The following FOXP4 variants were observed in gnomAD, a reference collection of about 807,000 sequenced individuals.
FOXP4 encodes forkhead box protein P4.
FOXP4 carries 25 observed loss-of-function variants against 82.6 expected under a neutral mutation model. The ratio of observed to expected loss-of-function variants is 0.30; its 90% confidence interval spans 0.22 to 0.42. The LOEUF is 0.42. Ranked by LOEUF, FOXP4 falls within the 10% of genes least tolerant of loss-of-function variation. The pLI is 1.00. For missense variants in FOXP4, 785 were observed against 900.9 expected, an observed-to-expected ratio of 0.87 and a Z score of 1.65; for synonymous variants, 415 against 388.2, an observed-to-expected ratio of 1.07 and a Z score of -0.81.
chr6:41,588,541 G>T (rs1766300815), intron 8 of FOXP4, 103 bp from the exon 9 acceptor site: 2 of 1,128,536 alleles, frequency 1.8e-6, no homozygotes, highest in Non-Finnish European at 2.7e-6. Flanking sequence ...CTCTTGGTCT[G>T]TCTGCTTTTC....
chr6:41,565,658 C>G, intron 1 of FOXP4, 87 bp from the exon 2 acceptor site: 1 of 1,243,974 alleles, frequency 8.0e-7, no homozygotes, highest in East Asian at 2.4e-5. Context: ...ACTCCTGTGG[C>G]GATGGTTATG....
At chr6:41,562,766 G>A (rs892465131) in intron 1 of FOXP4, among the ~76,000 whole-genome samples, 1 of 152,228 alleles carries the variant, frequency 6.6e-6, no homozygotes, top group African/African-American at 2.4e-5. Flanking sequence ...GCAGGCAGCT[G>A]CTTTCCACCA....
In FOXP4 at chr6:41,589,765, C is replaced by A. The variant is rs1766381824; in HGVS notation, c.1066-6C>A. Reference sequence around the variant, plus strand: ...CGCTCACCTCCTGCTTTGCCACCCTCCACAGCTCGCCAAGGAGAGCGAGCG... The same window carrying A: ...CGCTCACCTCCTGCTTTGCCACCCTACACAGCTCGCCAAGGAGAGCGAGCG... On this transcript the variant is annotated splice_region_variant and splice_polypyrimidine_tract_variant and intron_variant, in intron 9 of 16. Coordinates refer to ENST00000307972, the MANE Select transcript of FOXP4 (RefSeq NM_001012426.2). The A allele has an allele frequency of 1.2e-6, 2 of 1,610,834 alleles. No homozygotes were observed. The highest frequency in any genetic ancestry group is 1.7e-6 in the Non-Finnish European group (2 of 1,179,758).
At chr6:41,592,115 G>C (rs1766553975) in intron 13 of FOXP4, among the ~76,000 whole-genome samples, 1 of 152,092 alleles carries the variant, frequency 6.6e-6, no homozygotes, top group Non-Finnish European at 1.5e-5. Context: ...TAGACGCGGG[G>C]AAGGACTCCC....
rs1229313527 is a variant in FOXP4 at position 41,591,508 on chromosome 6, C to G, written c.1536+186C>G. Among the ~76,000 whole-genome samples, 1 of 152,216 alleles carries G rather than the reference C, an allele frequency of 6.6e-6. No homozygotes were observed. Among genetic ancestry groups the G allele is most frequent in the Non-Finnish European group, 1.5e-5 (1 of 68,044 alleles). On this transcript the variant is annotated intron_variant, in intron 13 of 16. Transcript: ENST00000307972. The surrounding 1 kb of genome is among the most constrained non-coding windows in gnomAD (Gnocchi z 4.2). ...GCAGGGGCTGTGGATTGTTCCATAA[C>G]CTTTTAATGATCCCTTCCTTCCAGC...
At chr6:41,562,875 T>C (rs1241009237) in intron 1 of FOXP4, among the ~76,000 whole-genome samples, 1 of 152,204 alleles carries the variant, frequency 6.6e-6, no homozygotes, top group African/African-American at 2.4e-5. Context: ...AAGGTGCTGC[T>C]GGCTGGGTGG....
chr6:41,574,729 C>T (rs1208426392), intron 2 of FOXP4, among the ~76,000 whole-genome samples: 7 of 152,158 alleles, frequency 4.6e-5, no homozygotes, highest in Non-Finnish European at 1.0e-4. Flanking sequence ...ATCTCCAGGC[C>T]GCAGTGCCAG....
At chr6:41,592,452 C>A (rs1231097490) in intron 13 of FOXP4, among the ~76,000 whole-genome samples, 2 of 152,210 alleles carry the variant, frequency 1.3e-5, no homozygotes, top group South Asian at 2.1e-4. Context: ...CTGCCAACCA[C>A]ATTCCTGCCC....
intron 1 of FOXP4, among the ~76,000 whole-genome samples, chr6:41,549,266 G>A (rs1763859155): frequency 6.6e-6 from 1 of 152,046 alleles, no homozygotes; most frequent in African/African-American, 2.4e-5. Flanking sequence ...CAGGAGTTAC[G>A]GAGTTGGGGA....
chr6:41,588,674 C>T lies in FOXP4; in HGVS notation c.1008C>T (p.Asp336=), dbSNP rs897932797. The T allele has an allele frequency of 6.2e-7, 1 of 1,613,984 alleles. No individual in the cohort carries two copies. Among genetic ancestry groups the T allele is most frequent in the Non-Finnish European group, 8.5e-7 (1 of 1,180,040 alleles). Residue 336 remains aspartate (D), a synonymous_variant, in exon 9 of 17, where the codon GAC becomes GAT. Transcript: ENST00000307972. Reference sequence around the variant, plus strand: ...TCAACACAGAGCACGCCCTGGATGACCGGAGTACAGCCCAGTGCCGGGTAC... The same window carrying T: ...TCAACACAGAGCACGCCCTGGATGATCGGAGTACAGCCCAGTGCCGGGTAC... The part of the protein sequence containing the change: ...KHLNTEHALD[D]RSTAQCRVQM...
intron 1 of FOXP4, among the ~76,000 whole-genome samples, chr6:41,554,950 G>A (rs567222080): frequency 4.4e-4 from 66 of 151,580 alleles, no homozygotes; most frequent in Admixed American, 3.9e-4. Context: ...TTCCCACACA[G>A]CTACTTAATA....
chr6:41,600,277 G>T lies in FOXP4; in HGVS notation c.*1341G>T, dbSNP rs1767147717. 1 of 152,536 alleles carries T rather than the reference G, an allele frequency of 6.6e-6. No homozygotes were observed. Among genetic ancestry groups the T allele is most frequent in the Admixed American group, 6.5e-5 (1 of 15,282 alleles). The allele number at this position is 152,536 out of a possible 1,614,324, so 9.4% of individuals were successfully genotyped here. On this transcript the variant is annotated 3_prime_UTR_variant, in exon 17 of 17. Transcript: ENST00000307972. Reference sequence around the variant, plus strand: ...ACGGGAGCCCTTCTCCCTGACCCTGGGCTGCTTCCTGGGGGCTCTCCAGAC... The same window carrying T: ...ACGGGAGCCCTTCTCCCTGACCCTGTGCTGCTTCCTGGGGGCTCTCCAGAC...
chr6:41,582,944 C>T (rs562784108), intron 3 of FOXP4, among the ~76,000 whole-genome samples: 1 of 152,274 alleles, frequency 6.6e-6, no homozygotes, highest in Admixed American at 6.5e-5. Flanking sequence ...GTATGCAGAC[C>T]TCAGCTTACA....
Position 41,585,645 on chromosome 6 carries a change from C to T in FOXP4, c.510+128C>T, listed in dbSNP as rs1766067876. On this transcript the variant is annotated intron_variant, in intron 5 of 16. Coordinates refer to ENST00000307972, the MANE Select transcript of FOXP4 (RefSeq NM_001012426.2). ...ATCTAGAAAAGGCTGAGGAAGGGGACCAAGGATCAGTGTGGGGGAAATGGG... is the reference window on the plus strand; with the variant it reads ...ATCTAGAAAAGGCTGAGGAAGGGGATCAAGGATCAGTGTGGGGGAAATGGG... The T allele has an allele frequency of 4.8e-6, 4 of 828,438 alleles. No individual in the cohort carries two copies. The South Asian group carries it at 7.3e-5, about 15-fold the overall frequency. The allele number at this position is 828,438 out of a possible 1,614,324, so 51.3% of individuals were successfully genotyped here.
At chr6:41,575,669 G>C (rs746914708) in intron 2 of FOXP4, among the ~76,000 whole-genome samples, 2 of 152,088 alleles carry the variant, frequency 1.3e-5, no homozygotes, top group African/African-American at 4.8e-5. Flanking sequence ...CAAAGTAAGA[G>C]AGTCAGTGGG....
rs1023231132 is a variant in FOXP4, at chr6:41,590,917, C to T, written c.1435-304C>T. Among the ~76,000 whole-genome samples the T allele has an allele frequency of 2.0e-5, 3 of 152,232 alleles. No homozygotes were observed. The East Asian group carries it at 5.8e-4, about 29-fold the overall frequency. On this transcript the variant is annotated intron_variant, in intron 12 of 16. Transcript: ENST00000307972. ...AAAGACAGGACTGACTGCTTTCACC[C>T]TCGGTGCAGGGCCAGGTACTAAAGG...
intron 13 of FOXP4, among the ~76,000 whole-genome samples, chr6:41,594,503 T>C (rs920626330): frequency 6.6e-6 from 1 of 152,246 alleles, no homozygotes; most frequent in Non-Finnish European, 1.5e-5. Context: ...GATCTGCTGC[T>C]GATCCAAAGC....
intron 14 of FOXP4, among the ~76,000 whole-genome samples, chr6:41,595,610 TA>T (rs1457661803): frequency 2.6e-5 from 4 of 152,178 alleles, no homozygotes; most frequent in Non-Finnish European, 5.9e-5. Flanking sequence ...TTTATTCATT[TA>T]TTTTTTTTGA....
intron 1 of FOXP4, among the ~76,000 whole-genome samples, chr6:41,547,078 C>T (rs1763672059): frequency 6.6e-6 from 1 of 151,766 alleles, no homozygotes; most frequent in Non-Finnish European, 1.5e-5. Flanking sequence ...GCGCACTGAC[C>T]CCGCGCAGCC....
Sources: allele counts gnomAD v4.1 joint callset (sites outside exome capture counted in the v4.1 genomes callset), GRCh38; gene constraint gnomAD v4.1.1; non-coding constraint Gnocchi (gnomAD v3.1); transcripts MANE v1.5; gene names NCBI Gene and HGNC (gene_info 2026-07-23, HGNC 2026-07-21).